The following CNTNAP2 variants were observed in gnomAD, a reference collection of about 807,000 sequenced individuals.
The protein encoded by CNTNAP2 is contactin-associated protein-like 2.
A neutral mutation model predicts 155.2 loss-of-function variants in CNTNAP2; 98 were observed. The ratio of observed to expected loss-of-function variants is 0.63; its 90% CI spans 0.54 to 0.75. The LOEUF is 0.75. Ranked by LOEUF, CNTNAP2 falls within the 30% of genes least tolerant of loss-of-function variation. The probability of loss-of-function intolerance (pLI) is 0.00; values close to 1 mark genes in which losing one functional copy is unlikely to be tolerated. For synonymous variants in CNTNAP2, 651 were observed against 631.2 expected (o/e 1.03, Z -0.47); for missense variants, 1,727 against 1,688.1 (o/e 1.02, Z -0.40).
chr7:147,496,059 C>G (rs1798702320), intron 11 of CNTNAP2, among the ~76,000 whole-genome samples: 1 of 152,180 alleles, frequency 6.6e-6, no homozygotes, highest in African/African-American at 2.4e-5. Flanking sequence ...TGTTTCCCAT[C>G]ACCCCCATAT....
intron 21 of CNTNAP2, among the ~76,000 whole-genome samples, chr7:148,335,556 A>G (rs141188788): frequency 1.3e-3 from 195 of 152,324 alleles, no homozygotes; most frequent in African/African-American, 4.5e-3. Flanking sequence ...TGTATCAGAT[A>G]TACACCTAGC....
At chr7:146,305,397 C>T (rs1800691235) in intron 1 of CNTNAP2, among the ~76,000 whole-genome samples, 1 of 152,094 alleles carries the variant, frequency 6.6e-6, no homozygotes, top group Admixed American at 6.6e-5. Context: ...GGTTTCTCCC[C>T]ATCTTTGTGG....
At chr7:147,755,785 G>A (rs867272141) in intron 13 of CNTNAP2, among the ~76,000 whole-genome samples, 10 of 152,302 alleles carry the variant, frequency 6.6e-5, no homozygotes, top group African/African-American at 2.2e-4. Context: ...TTAGTGCTGT[G>A]CTGTTGCCAT....
chr7:147,900,792 T>G (rs1799855624), intron 13 of CNTNAP2, among the ~76,000 whole-genome samples: 1 of 152,122 alleles, frequency 6.6e-6, no homozygotes, highest in African/African-American at 2.4e-5. Context: ...ATGAAATCAT[T>G]CCGTTTTTGA....
intron 8 of CNTNAP2, among the ~76,000 whole-genome samples, chr7:147,185,580 C>A (rs1802547132): frequency 6.6e-6 from 1 of 152,150 alleles, no homozygotes; most frequent in Admixed American, 6.6e-5. Flanking sequence ...ACCACAACTA[C>A]ATACAGAAAT....
At chr7:147,079,848 T>A (rs1305405358) in intron 4 of CNTNAP2, among the ~76,000 whole-genome samples, 1 of 152,110 alleles carries the variant, frequency 6.6e-6, no homozygotes, top group Non-Finnish European at 1.5e-5. Context: ...CCTTTCACAG[T>A]GTCTGTAAGC....
chr7:147,897,945 A>T (rs1453265490), intron 13 of CNTNAP2, among the ~76,000 whole-genome samples: 1 of 152,240 alleles, frequency 6.6e-6, no homozygotes, highest in Non-Finnish European at 1.5e-5. Flanking sequence ...GGGACCAGGC[A>T]CAGGTGGACA....
intron 11 of CNTNAP2, among the ~76,000 whole-genome samples, chr7:147,558,491 G>C (rs761539635): frequency 3.9e-5 from 6 of 152,116 alleles, no homozygotes; most frequent in Non-Finnish European, 7.3e-5. Context: ...ATTCTCTACT[G>C]AGTCCAAGTC....
chr7:146,170,130 A>C (rs1798369229), intron 1 of CNTNAP2, among the ~76,000 whole-genome samples: 1 of 150,798 alleles, frequency 6.6e-6, no homozygotes, highest in African/African-American at 2.4e-5. Context: ...GGGTTCAAGC[A>C]ATTCTCATGC....
chr7:146,247,053 T>C (rs1563006606), intron 1 of CNTNAP2, among the ~76,000 whole-genome samples: 1 of 152,218 alleles, frequency 6.6e-6, no homozygotes, highest in Non-Finnish European at 1.5e-5. Context: ...TTTGGAGTTG[T>C]ATTTAATGTC....
chr7:146,300,547 A>G (rs567989699), intron 1 of CNTNAP2, among the ~76,000 whole-genome samples: 1 of 152,242 alleles, frequency 6.6e-6, no homozygotes, highest in South Asian at 2.1e-4. Flanking sequence ...TAAAAATGTT[A>G]TATTTTCCAT....
chr7:147,786,705 T>C (rs1472976819), intron 13 of CNTNAP2, among the ~76,000 whole-genome samples: 1 of 152,092 alleles, frequency 6.6e-6, no homozygotes, highest in Non-Finnish European at 1.5e-5. Context: ...CATTGGCACA[T>C]GCCTGTAATC....
chr7:148,049,118 G>A (rs1802835378), intron 15 of CNTNAP2, among the ~76,000 whole-genome samples: 1 of 152,108 alleles, frequency 6.6e-6, no homozygotes, highest in Non-Finnish European at 1.5e-5. Flanking sequence ...GGGATCCTGA[G>A]GCAGAAGAAT....
At chr7:148,399,366 G>A (rs1314664258) in intron 22 of CNTNAP2, among the ~76,000 whole-genome samples, 1 of 152,148 alleles carries the variant, frequency 6.6e-6, no homozygotes, top group Non-Finnish European at 1.5e-5. Flanking sequence ...CCAGCTACAT[G>A]AGTCCAGGAG....
At chr7:147,387,804 G>T (rs1025009105) in intron 9 of CNTNAP2, among the ~76,000 whole-genome samples, 1 of 152,080 alleles carries the variant, frequency 6.6e-6, no homozygotes, top group Non-Finnish European at 1.5e-5. Context: ...TCATTAGATG[G>T]GGGTGGTTTA....
At chr7:147,207,321 C>A (rs1803043034) in intron 8 of CNTNAP2, among the ~76,000 whole-genome samples, 1 of 152,124 alleles carries the variant, frequency 6.6e-6, no homozygotes, top group South Asian at 2.1e-4. Context: ...TAGTTTACTA[C>A]ATTGGAGTAT....
At chr7:147,622,989 A>C (rs1341078435) in intron 12 of CNTNAP2, among the ~76,000 whole-genome samples, 1 of 152,216 alleles carries the variant, frequency 6.6e-6, no homozygotes, top group East Asian at 1.9e-4. Flanking sequence ...ATGAGCAACT[A>C]TATGCCAATA....
In CNTNAP2 at chr7:146,633,151, T is replaced by C. The variant is rs563775024; in HGVS notation, c.98-141120T>C. 3.3e-4 allele frequency among the ~76,000 whole-genome samples: 50 copies of C among 152,290 alleles called. 1 individual carries two copies. The highest frequency in any genetic ancestry group is 8.3e-4 in the South Asian group (4 of 4,826). Reference sequence around the variant, plus strand: ...CTGGAGGCATCCGATCCTGGGAATATTGATGTATGTACACCCCGTAGATTA... The same window carrying C: ...CTGGAGGCATCCGATCCTGGGAATACTGATGTATGTACACCCCGTAGATTA... On this transcript the variant is annotated intron_variant, in intron 1 of 23. Transcript: ENST00000361727.
chr7:146,543,127 T>C (rs1797975857), intron 1 of CNTNAP2, among the ~76,000 whole-genome samples: 1 of 151,920 alleles, frequency 6.6e-6, no homozygotes, highest in African/African-American at 2.4e-5. Flanking sequence ...AATGCAACCA[T>C]TGCACTATAC....
Sources: gnomAD v4.1 joint callset for allele counts (sites outside exome capture counted in the v4.1 genomes callset) on GRCh38, gnomAD v4.1.1 for gene constraint, MANE v1.5 for transcripts, NCBI Gene and HGNC (gene_info 2026-07-23, HGNC 2026-07-21) for gene names.